The following BMAL1 variants were observed in gnomAD, a reference collection of about 807,000 sequenced individuals.
The protein encoded by BMAL1 is basic helix-loop-helix ARNT like 1.
At chr11:13,326,867 T>C in the BMAL1 span, among the ~76,000 whole-genome samples, 2 of 151,980 alleles carry the variant, frequency 1.3e-5, no homozygotes, top group African/African-American at 4.8e-5. Context: ...TCGCCCAGGC[T>C]GGAGTGCAGT....
At chr11:13,311,817 C>T in the BMAL1 span, among the ~76,000 whole-genome samples, 25 of 152,084 alleles carry the variant, frequency 1.6e-4, no homozygotes, top group Non-Finnish European at 3.2e-4. Context: ...GAATCCAGCC[C>T]GTGTTTGGAC....
chr11:13,341,078 C>T, the BMAL1 span, among the ~76,000 whole-genome samples: 2 of 152,226 alleles, frequency 1.3e-5, no homozygotes. Flanking sequence ...AGAATCCCCT[C>T]ACTCTATTGT....
At chr11:13,382,147 G>C in the BMAL1 span, among the ~76,000 whole-genome samples, 956 of 152,328 alleles carry the variant, frequency 6.3e-3, 12 homozygotes, top group African/African-American at 0.022. Context: ...GCTAAGGAGA[G>C]AGGGTAAGAG....
the BMAL1 span, among the ~76,000 whole-genome samples, chr11:13,302,240 G>C: frequency 1.3e-5 from 2 of 152,132 alleles, no homozygotes; most frequent in Admixed American, 6.5e-5. Context: ...ATAGGTCTGG[G>C]CTGAGGAGAA....
At chr11:13,321,917 T>A in the BMAL1 span, among the ~76,000 whole-genome samples, 1 of 152,230 alleles carries the variant, frequency 6.6e-6, no homozygotes, top group South Asian at 2.1e-4. Context: ...TCAGTCATTA[T>A]GGGTAAATAA....
the BMAL1 span, among the ~76,000 whole-genome samples, chr11:13,375,382 A>G: frequency 6.6e-6 from 1 of 152,210 alleles, no homozygotes; most frequent in East Asian, 1.9e-4. Flanking sequence ...CTAGAGCCTC[A>G]ATTTTACAGA....
At chr11:13,298,438 C>A in the BMAL1 span, among the ~76,000 whole-genome samples, 49 of 152,348 alleles carry the variant, frequency 3.2e-4, 2 homozygotes, top group African/African-American at 1.2e-3. Context: ...CAAATGTTCC[C>A]TTTTTCCCTT....
the BMAL1 span, chr11:13,374,295 G>A: frequency 8.4e-7 from 1 of 1,184,016 alleles, no homozygotes; most frequent in South Asian, 1.3e-5. Context: ...GTCCACTGAG[G>A]ATGTAGAGTC....
the BMAL1 span, among the ~76,000 whole-genome samples, chr11:13,350,423 GGA>G: frequency 6.6e-6 from 1 of 152,170 alleles, no homozygotes; most frequent in East Asian, 1.9e-4. Context: ...ACTTCTTGAA[GGA>G]TAAATCAGAG....
At chr11:13,329,461 A>G in the BMAL1 span, among the ~76,000 whole-genome samples, 1 of 152,142 alleles carries the variant, frequency 6.6e-6, no homozygotes, top group Admixed American at 6.5e-5. Context: ...TATGGACGAC[A>G]CTTCTCTTGA....
At chr11:13,360,455 G>A in the BMAL1 span, 8 of 1,587,790 alleles carry the variant, frequency 5.0e-6, no homozygotes, top group Non-Finnish European at 6.9e-6. Flanking sequence ...GTTTTACAAC[G>A]TTTGTTTTTA....
At chr11:13,382,204 G>A in the BMAL1 span, among the ~76,000 whole-genome samples, 1 of 152,122 alleles carries the variant, frequency 6.6e-6, no homozygotes, top group Non-Finnish European at 1.5e-5. Flanking sequence ...TTTTTATACA[G>A]GAATCTTCTG....
At chr11:13,307,611 A>C in the BMAL1 span, among the ~76,000 whole-genome samples, 1 of 152,168 alleles carries the variant, frequency 6.6e-6, no homozygotes, top group East Asian at 1.9e-4. Flanking sequence ...AAACACTATT[A>C]AGTGTTGGCA....
the BMAL1 span, among the ~76,000 whole-genome samples, chr11:13,327,351 C>T: frequency 2.0e-5 from 3 of 152,340 alleles, no homozygotes; most frequent in East Asian, 1.9e-4. Flanking sequence ...AATAGCTCAT[C>T]GCAGATGCTG....
the BMAL1 span, among the ~76,000 whole-genome samples, chr11:13,320,255 C>T: frequency 4.6e-5 from 7 of 152,242 alleles, no homozygotes; most frequent in Non-Finnish European, 8.8e-5. Flanking sequence ...TCTAGCTCTC[C>T]TCTCTGGCTC....
chr11:13,346,003 C>A, the BMAL1 span, among the ~76,000 whole-genome samples: 4 of 152,162 alleles, frequency 2.6e-5, no homozygotes, highest in African/African-American at 9.7e-5. Context: ...GGGAAGGTCC[C>A]AGGCAAATGG....
At chr11:13,375,194 T>C in the BMAL1 span, among the ~76,000 whole-genome samples, 2 of 152,230 alleles carry the variant, frequency 1.3e-5, no homozygotes, top group Non-Finnish European at 2.9e-5. Context: ...AGAATGAGGT[T>C]GAATAGGTGA....
the BMAL1 span, among the ~76,000 whole-genome samples, chr11:13,325,619 G>A: frequency 2.7e-5 from 4 of 149,696 alleles, no homozygotes; most frequent in South Asian, 8.4e-4. Context: ...CCTGGCCCAG[G>A]CGTAGCCATG....
the BMAL1 span, among the ~76,000 whole-genome samples, chr11:13,342,304 A>G: frequency 6.6e-6 from 1 of 152,218 alleles, no homozygotes; most frequent in Non-Finnish European, 1.5e-5. Context: ...AAAGTGGGAC[A>G]TGAACCTCAG....
Sources: allele counts gnomAD v4.1 joint callset (sites outside exome capture counted in the v4.1 genomes callset), GRCh38; gene constraint gnomAD v4.1.1; transcripts MANE v1.5; gene names NCBI Gene and HGNC (gene_info 2026-07-23, HGNC 2026-07-21).